GUCY1A2: variants seen among roughly 807,000 people sequenced by gnomAD.
GUCY1A2 encodes the protein guanylate cyclase soluble subunit alpha-2.
GUCY1A2 carries 27 observed loss-of-function variants against 63.5 expected under a neutral mutation model. The observed-to-expected ratio is 0.43, with a 90% confidence interval of 0.31 to 0.59. The LOEUF (loss-of-function observed/expected upper bound fraction) is 0.59. Ranked by LOEUF, GUCY1A2 falls within the 20% of genes least tolerant of loss-of-function variation. The pLI, the probability that GUCY1A2 is intolerant of heterozygous loss-of-function variation, is 0.11. For synonymous variants in GUCY1A2, 364 were observed against 343.5 expected, an observed-to-expected ratio of 1.06 and a Z score of -0.66; for missense variants, 768 against 913.3, an observed-to-expected ratio of 0.84 and a Z score of 2.05.
intron 4 of GUCY1A2, chr11:106,826,373 T>C (rs1358472105): frequency 9.8e-6 from 15 of 1,525,180 alleles, no homozygotes; most frequent in Admixed American, 3.7e-5. Flanking sequence ...TTTATATGAT[T>C]CTTGAAGAAA....
chr11:106,859,221 C>A (rs1414361467), intron 4 of GUCY1A2, among the ~76,000 whole-genome samples: 2 of 151,932 alleles, frequency 1.3e-5, no homozygotes, highest in Non-Finnish European at 2.9e-5. Context: ...CCAAGATTGT[C>A]AGTGAACTGA....
At chr11:106,831,101 A>G (rs550559683) in intron 4 of GUCY1A2, among the ~76,000 whole-genome samples, 2 of 152,152 alleles carry the variant, frequency 1.3e-5, no homozygotes, top group Non-Finnish European at 2.9e-5. Context: ...TCAGTACAGC[A>G]TTTTCAGTAA....
rs758406035 is a variant in GUCY1A2, at chr11:106,680,452, T to C, written c.*7097A>G. The C allele has an allele frequency of 1.7e-4, 35 of 206,630 alleles. No homozygotes were observed. The highest frequency in any genetic ancestry group is 3.0e-4 in the Non-Finnish European group (30 of 101,200). The allele number at this position is 206,630 out of a possible 1,614,324, so 12.8% of individuals were successfully genotyped here. On this transcript the variant is annotated 3_prime_UTR_variant, in exon 8 of 8. Transcript: ENST00000526355. ...TCAAAAAGTAACTATTACTCAGACC[T>C]GCCATTTGGTTTTTCTTTTCTGCTT...
At chr11:106,860,290 GCTGTGATGTAATA>G (rs1264803090) in intron 4 of GUCY1A2, among the ~76,000 whole-genome samples, 2 of 142,590 alleles carry the variant, frequency 1.4e-5, no homozygotes, top group Admixed American at 7.0e-5. Context: ...TTTTTTTTTT[GCTGTGATGTAATA>G]CAGCAATGCT....
intron 4 of GUCY1A2, among the ~76,000 whole-genome samples, chr11:106,877,347 A>G (rs1859764135): frequency 6.6e-6 from 1 of 151,988 alleles, no homozygotes; most frequent in Non-Finnish European, 1.5e-5. Flanking sequence ...GCCAGGACTA[A>G]GCAAAAATAC....
chr11:106,820,973 T>C (rs534908946), intron 4 of GUCY1A2, among the ~76,000 whole-genome samples: 15 of 152,302 alleles, frequency 9.8e-5, no homozygotes, highest in African/African-American at 3.1e-4. Flanking sequence ...TTGCATTTAG[T>C]TTCATTTCTA....
intron 1 of GUCY1A2, among the ~76,000 whole-genome samples, chr11:107,014,990 T>C (rs550123576): frequency 6.6e-6 from 1 of 152,338 alleles, no homozygotes; most frequent in East Asian, 1.9e-4. Flanking sequence ...TTTCAAATCC[T>C]GACAATGTCA....
intron 4 of GUCY1A2, among the ~76,000 whole-genome samples, chr11:106,903,126 A>G (rs1860157400): frequency 6.6e-6 from 1 of 151,682 alleles, no homozygotes; most frequent in African/African-American, 2.4e-5. Flanking sequence ...AATATGTAAA[A>G]TCTTTTTTTA....
intron 6 of GUCY1A2, among the ~76,000 whole-genome samples, chr11:106,764,472 C>T (rs1049105192): frequency 1.3e-5 from 2 of 152,094 alleles, no homozygotes; most frequent in East Asian, 1.9e-4. Context: ...GTCCCTTAAC[C>T]TTTCAGTCTT....
At chr11:106,818,430 T>C (rs1045593286) in intron 4 of GUCY1A2, among the ~76,000 whole-genome samples, 1 of 152,152 alleles carries the variant, frequency 6.6e-6, no homozygotes, top group Non-Finnish European at 1.5e-5. Context: ...GTGAACTTAA[T>C]CAGTCAACAT....
chr11:106,938,331 A>C (rs1415149559), intron 4 of GUCY1A2, among the ~76,000 whole-genome samples: 1 of 152,196 alleles, frequency 6.6e-6, no homozygotes, highest in East Asian at 1.9e-4. Context: ...GCTGTATAAA[A>C]TCCTCAAAAA....
chr11:106,925,444 G>T (rs1226973814), intron 4 of GUCY1A2, among the ~76,000 whole-genome samples: 3 of 152,148 alleles, frequency 2.0e-5, no homozygotes, highest in African/African-American at 7.2e-5. Context: ...AAGGGTAAAT[G>T]ATGTCATAGA....
At chr11:106,962,140 G>C (rs1488719742) in intron 3 of GUCY1A2, among the ~76,000 whole-genome samples, 1 of 152,188 alleles carries the variant, frequency 6.6e-6, no homozygotes, top group East Asian at 1.9e-4. Flanking sequence ...AATGGTCAGT[G>C]AATACCACTG....
chr11:106,721,090 T>A, intron 6 of GUCY1A2, among the ~76,000 whole-genome samples: 1 of 141,244 alleles, frequency 7.1e-6, no homozygotes, highest in Non-Finnish European at 1.5e-5. Flanking sequence ...TGAGACAGAG[T>A]CTCTGTCACC....
chr11:106,709,291 A>ATT (rs1565264568), intron 6 of GUCY1A2, among the ~76,000 whole-genome samples: 1 of 51,472 alleles, frequency 1.9e-5, no homozygotes, highest in Non-Finnish European at 3.1e-5. Flanking sequence ...ATTTATATAT[A>ATT]TTTATATTTT....
chr11:106,779,545 AAATCAAAATGCTTTGC>A (rs1410071095), intron 5 of GUCY1A2, among the ~76,000 whole-genome samples: 4 of 152,202 alleles, frequency 2.6e-5, no homozygotes, highest in Non-Finnish European at 5.9e-5. Context: ...TTGCCTGCAC[AAATCAAAATGCTTTGC>A]AGTAGCTCTG....
chr11:107,015,469 C>T (rs1226504191), intron 1 of GUCY1A2, among the ~76,000 whole-genome samples: 1 of 143,914 alleles, frequency 6.9e-6, no homozygotes, highest in African/African-American at 2.6e-5. Flanking sequence ...TTTATCTACT[C>T]CTCATGTAAG....
At chr11:106,978,512 T>C (rs1333510605) in intron 3 of GUCY1A2, 107 bp downstream of exon 3, 5 of 673,002 alleles carry the variant, frequency 7.4e-6, no homozygotes, top group Non-Finnish European at 7.0e-6. Context: ...GGTCTCAACT[T>C]GCCATATTCT....
At chr11:106,950,552 C>T (rs1317567122) in intron 3 of GUCY1A2, among the ~76,000 whole-genome samples, 6 of 152,134 alleles carry the variant, frequency 3.9e-5, no homozygotes, top group Admixed American at 2.6e-4. Flanking sequence ...CTTCTCACGC[C>T]TTTACTTTTT....
Sources: gnomAD v4.1 joint callset for allele counts (sites outside exome capture counted in the v4.1 genomes callset) on GRCh38, gnomAD v4.1.1 for gene constraint, MANE v1.5 for transcripts, NCBI Gene and HGNC (gene_info 2026-07-23, HGNC 2026-07-21) for gene names.